The following AGO1 variants were observed in gnomAD, a reference collection of about 807,000 sequenced individuals.
AGO1 encodes argonaute RISC component 1.
In AGO1, 11 loss-of-function variants were observed where a neutral mutation model predicts 109.2. The ratio of observed to expected loss-of-function variants is 0.10; its 90% CI spans 0.06 to 0.17. AGO1 has a LOEUF of 0.17. AGO1 is among the 10% of genes least tolerant of loss of function. The pLI, the probability that AGO1 is intolerant of heterozygous loss-of-function variation, is 1.00. For missense variants in AGO1, 574 were observed against 1,140.3 expected, an observed-to-expected ratio of 0.50 and a Z score of 7.15; for synonymous variants, 422 against 418.6, an observed-to-expected ratio of 1.01 and a Z score of -0.10.
intron 15 of AGO1, 141 bp downstream of exon 15, chr1:35,915,683 A>G: frequency 1.3e-6 from 1 of 763,958 alleles, no homozygotes; most frequent in Non-Finnish European, 2.1e-6. Context: ...GGGGGCAAGG[A>G]TCGCAACTGA....
chr1:35,919,549 C>T lies in AGO1; in HGVS notation c.2516C>T (p.Ala839Val), dbSNP rs1252403207. The change falls in exon 19 of 19, where the codon GCC (alanine) becomes GTC (valine). Residue 839 changes from alanine to valine, a missense_variant. By Grantham distance (64) the Ala-to-Val change is moderately conservative. Around this residue, in one of 8 missense-constraint regions of AGO1, gnomAD observed 33 missense variants for 44.2 expected, o/e 0.75. Transcript: ENST00000373204. This position sits in a 1 kb window ranked among gnomAD's most constrained non-coding sequence, Gnocchi z 6.6. ...CAGAGCAATGGGCGGGACCCCCAGG[C>T]CCTGGCCAAAGCCGTGCAGGTTCAC... The part of the protein sequence containing the change: ...SGQSNGRDPQ[A>V]LAKAVQVHQD... The T allele has an allele frequency of 6.2e-7, 1 of 1,614,166 alleles. No homozygotes were observed. The highest frequency in any genetic ancestry group is 8.5e-7 in the Non-Finnish European group (1 of 1,180,020).
Position 35,892,694 on chromosome 1 carries a change from G to A in AGO1, c.330+17G>A, listed in dbSNP as rs375652718. 11 of 1,614,078 alleles carry A rather than the reference G, an allele frequency of 6.8e-6. No homozygotes were observed. Among genetic ancestry groups the A allele is most frequent in the Admixed American group, 5.0e-5 (3 of 60,004 alleles). On this transcript the variant is annotated intron_variant, in intron 3 of 18. Transcript: ENST00000373204. ...AACGAACGGGTAAGGTTGGGAGTCA[G>A]GCTAGGCCTGTGTCAGGGGTCTGGG...
chr1:35,882,296 C>G (rs373232892), upstream of AGO1, among the ~76,000 whole-genome samples: 17 of 152,162 alleles, frequency 1.1e-4, no homozygotes, highest in East Asian at 1.5e-3. The surrounding 1 kb of genome is among the most constrained non-coding windows in gnomAD (Gnocchi z 5.1). Flanking sequence ...TGGATGAGAC[C>G]TTTAAGGGGA....
Position 35,874,572 on chromosome 1 carries a change from G to A in AGO1, c.-201+4669G>A, listed in dbSNP as rs559603125. Among the ~76,000 whole-genome samples the A allele has an allele frequency of 7.9e-4, 121 of 152,310 alleles. 3 individuals carry two copies. The Middle Eastern group carries it at 0.01, about 13-fold the overall frequency. ...TCCTTGAGACACAACAATACTGAAA[G>A]TAGGCCAATTAATAACCCTGCAATG... On this transcript the variant is annotated intron_variant, in intron 1 of 18. Coordinates refer to the AGO1 transcript ENST00000373206.
upstream of AGO1, among the ~76,000 whole-genome samples, chr1:35,878,950 C>CA (rs1645013293): frequency 6.6e-6 from 1 of 151,288 alleles, no homozygotes; most frequent in Non-Finnish European, 1.5e-5. Flanking sequence ...AAACTTTTCT[C>CA]AGGCCATTCT....
At chr1:35,876,374 C>T (rs1644992892) in intron 1 of AGO1, among the ~76,000 whole-genome samples, 1 of 151,608 alleles carries the variant, frequency 6.6e-6, no homozygotes, top group Admixed American at 6.6e-5. Flanking sequence ...TCACACCATT[C>T]TCCTGCCTCA....
At chr1:35,887,327 C>G (rs1303311325) in intron 1 of AGO1, among the ~76,000 whole-genome samples, 1 of 152,170 alleles carries the variant, frequency 6.6e-6, no homozygotes, top group Non-Finnish European at 1.5e-5. Context: ...CCTCTCTTCT[C>G]CCACCTGGGC....
intron 14 of AGO1, 131 bp downstream of exon 14, chr1:35,914,405 C>T: frequency 2.9e-6 from 2 of 683,330 alleles, no homozygotes; most frequent in Non-Finnish European, 5.1e-6. Context: ...TCGCTATTCC[C>T]AATTCCCATT....
intron 15 of AGO1, 36 bp downstream of exon 15, chr1:35,915,578 C>A: frequency 6.3e-7 from 1 of 1,588,996 alleles, no homozygotes; most frequent in South Asian, 1.1e-5. Context: ...ACCTTCACAT[C>A]ATGGCTGGAA....
chr1:35,894,480 C>A, intron 7 of AGO1, 78 bp downstream of exon 7: 1 of 1,398,206 alleles, frequency 7.2e-7, no homozygotes, highest in Non-Finnish European at 9.9e-7. Context: ...CCCTCCCTCC[C>A]TCCCCCACTG....
upstream of AGO1, among the ~76,000 whole-genome samples, chr1:35,878,948 C>A (rs2148704447): frequency 6.7e-6 from 1 of 149,948 alleles, no homozygotes; most frequent in Admixed American, 6.6e-5. Context: ...GCAAACTTTT[C>A]TCAGGCCATT....
At chr1:35,886,198 T>G (rs1244692297) in intron 1 of AGO1, among the ~76,000 whole-genome samples, 2 of 152,148 alleles carry the variant, frequency 1.3e-5, no homozygotes, top group African/African-American at 4.8e-5. Context: ...GGCCCAAGCT[T>G]TGTCCTCTGT....
At chr1:35,875,065 C>T (rs1272142485) in intron 1 of AGO1, among the ~76,000 whole-genome samples, 1 of 152,194 alleles carries the variant, frequency 6.6e-6, no homozygotes, top group African/African-American at 2.4e-5. Flanking sequence ...GAAGCTGCAG[C>T]AAATTAGCCA....
chr1:35,882,921 G>A, upstream of AGO1: 1 of 984,222 alleles, frequency 1.0e-6, no homozygotes, highest in Non-Finnish European at 1.2e-6. This position sits in a 1 kb window ranked among gnomAD's most constrained non-coding sequence, Gnocchi z 5.1. Context: ...GGTGCGACAG[G>A]CGGGGGCTGT....
chr1:35,914,336 G>A, intron 14 of AGO1, 62 bp downstream of exon 14: 1 of 1,385,872 alleles, frequency 7.2e-7, no homozygotes, highest in Non-Finnish European at 1.0e-6. Context: ...CCTCAAAACT[G>A]CCCATGATTT....
intron 1 of AGO1, among the ~76,000 whole-genome samples, chr1:35,886,988 T>C (rs1257557682): frequency 6.6e-6 from 1 of 152,182 alleles, no homozygotes; most frequent in Admixed American, 6.5e-5. Context: ...TGTGTGTCTG[T>C]CTGTCCGTGA....
At chr1:35,890,554 A>G (rs1645199589) in intron 2 of AGO1, among the ~76,000 whole-genome samples, 1 of 152,184 alleles carries the variant, frequency 6.6e-6, no homozygotes. Flanking sequence ...TATGTAATAA[A>G]TCTATTGAGG....
intron 12 of AGO1, among the ~76,000 whole-genome samples, chr1:35,907,760 A>G (rs1359727934): frequency 6.6e-6 from 1 of 152,084 alleles, no homozygotes; most frequent in Non-Finnish European, 1.5e-5. Flanking sequence ...ATATATTCAG[A>G]TCCCCCATCC....
At chr1:35,887,439 A>T (rs191314296) in intron 1 of AGO1, among the ~76,000 whole-genome samples, 1 of 152,278 alleles carries the variant, frequency 6.6e-6, no homozygotes, top group Non-Finnish European at 1.5e-5. Context: ...CAGACTGGCA[A>T]AAGAGGGTAA....
Sources: gnomAD v4.1 joint callset for allele counts (sites outside exome capture counted in the v4.1 genomes callset) on GRCh38, gnomAD v4.1.1 for gene constraint, gnomAD v4.1.1 regional missense constraint, Gnocchi (gnomAD v3.1) non-coding constraint, MANE v1.5 for transcripts, NCBI Gene and HGNC (gene_info 2026-07-23, HGNC 2026-07-21) for gene names.